NCKAP5: variants seen among roughly 807,000 people sequenced by gnomAD.
NCKAP5 encodes NCK associated protein 5.
A neutral mutation model predicts 167.0 loss-of-function variants in NCKAP5; 92 were observed. The ratio of observed to expected loss-of-function variants is 0.55; its 90% confidence interval spans 0.47 to 0.66. The LOEUF is 0.66. Among genes scored for constraint, NCKAP5 ranks in the 30% least tolerant of loss-of-function variants. The pLI is 0.00. For missense variants in NCKAP5, 2,378 were observed against 2,315.0 expected (o/e 1.03, Z -0.56); for synonymous variants, 891 against 877.4 (o/e 1.02, Z -0.27).
chr2:133,196,609 A>C (rs2150103246), intron 5 of NCKAP5, among the ~76,000 whole-genome samples: 1 of 152,344 alleles, frequency 6.6e-6, no homozygotes, highest in East Asian at 1.9e-4. Flanking sequence ...GTAGCAGTGG[A>C]GAAGGAAACC....
At chr2:132,694,103 T>TTCTA (rs1687080169) in intron 19 of NCKAP5, among the ~76,000 whole-genome samples, 2 of 146,952 alleles carry the variant, frequency 1.4e-5, no homozygotes, top group Non-Finnish European at 3.0e-5. Context: ...GTTTTAAGTG[T>TTCTA]TTTATTTATT....
At chr2:132,977,967 T>C (rs2077024918) in intron 7 of NCKAP5, among the ~76,000 whole-genome samples, 1 of 152,200 alleles carries the variant, frequency 6.6e-6, no homozygotes, top group Non-Finnish European at 1.5e-5. Flanking sequence ...ATGTACATTC[T>C]GACAAACCAC....
chr2:133,442,679 T>A (rs1690934255), intron 3 of NCKAP5, among the ~76,000 whole-genome samples: 1 of 152,108 alleles, frequency 6.6e-6, no homozygotes, highest in South Asian at 2.1e-4. Flanking sequence ...CCTAGCAGAG[T>A]GTGGGCTGCC....
chr2:133,457,836 T>C (rs1023182393), intron 3 of NCKAP5, among the ~76,000 whole-genome samples: 3 of 152,190 alleles, frequency 2.0e-5, no homozygotes, highest in East Asian at 1.9e-4. Flanking sequence ...TAATTGGTTA[T>C]GCAACTAAAA....
intron 6 of NCKAP5, among the ~76,000 whole-genome samples, chr2:133,072,563 G>A (rs992112789): frequency 5.9e-5 from 9 of 152,116 alleles, no homozygotes; most frequent in Admixed American, 2.6e-4. Flanking sequence ...TACCAAAGTC[G>A]TGAGTTCTTC....
intron 2 of NCKAP5, among the ~76,000 whole-genome samples, chr2:133,518,110 A>T (rs991417925): frequency 1.3e-5 from 2 of 152,186 alleles, no homozygotes; most frequent in Admixed American, 6.6e-5. Context: ...TTGGGGATAG[A>T]TTGATTCAAA....
chr2:133,550,203 T>C (rs1306602433), intron 2 of NCKAP5, among the ~76,000 whole-genome samples: 10 of 142,196 alleles, frequency 7.0e-5, no homozygotes, highest in Admixed American at 4.9e-4. Context: ...TCTGAAACTA[T>C]TCCAATCAAT....
chr2:133,226,288 C>A (rs2086887688), intron 4 of NCKAP5, among the ~76,000 whole-genome samples: 1 of 151,984 alleles, frequency 6.6e-6, no homozygotes, highest in South Asian at 2.1e-4. Context: ...CAATCTATTC[C>A]ACAAATATTA....
At chr2:132,954,874 G>T in intron 8 of NCKAP5, 1 of 318,294 alleles carries the variant, frequency 3.1e-6, no homozygotes, top group South Asian at 2.5e-5. Flanking sequence ...GACATAGAAT[G>T]GAATTTTTCT....
At chr2:132,741,112 C>T (rs372765380) in intron 16 of NCKAP5, among the ~76,000 whole-genome samples, 6 of 152,064 alleles carry the variant, frequency 3.9e-5, no homozygotes, top group African/African-American at 1.4e-4. Context: ...TTTTCATATA[C>T]AGCTGTTATA....
chr2:133,158,794 T>A (rs1233095394), intron 5 of NCKAP5, among the ~76,000 whole-genome samples: 2 of 152,092 alleles, frequency 1.3e-5, no homozygotes, highest in Non-Finnish European at 2.9e-5. Flanking sequence ...CCTCATTGAT[T>A]ACCCATCATT....
At chr2:132,760,249 G>A (rs1574107613) in intron 16 of NCKAP5, among the ~76,000 whole-genome samples, 6 of 152,106 alleles carry the variant, frequency 3.9e-5, no homozygotes, top group Admixed American at 2.6e-4. Context: ...CCTGTCTGAT[G>A]TAAACTCTCT....
At chr2:133,044,284 G>T (rs542360873) in intron 6 of NCKAP5, among the ~76,000 whole-genome samples, 3 of 152,106 alleles carry the variant, frequency 2.0e-5, no homozygotes, top group Middle Eastern at 3.4e-3. Context: ...ATCGAAAGAC[G>T]CAAATAAAAA....
At chr2:132,950,885 AAAAACAAAACAAAGC>A (rs1330233965) in intron 8 of NCKAP5, among the ~76,000 whole-genome samples, 1 of 152,190 alleles carries the variant, frequency 6.6e-6, no homozygotes, top group Admixed American at 6.5e-5. Flanking sequence ...CTAAGAAGCA[AAAAACAAAACAAAGC>A]AAAACAAAAC....
At position 132,756,007 on chromosome 2, in the gene NCKAP5, C is replaced by T. The variant is rs535563720; in HGVS notation, c.5128+17809G>A. ...CTTTAACTATCATTAGTAGTATTAT[C>T]TCCATTTGGCAGATGAGGAATTGGG... On this transcript the variant is annotated intron_variant, in intron 16 of 19. Transcript: ENST00000409261. 6.6e-5 allele frequency among the ~76,000 whole-genome samples: 10 copies of T among 152,030 alleles called. No individual in the cohort carries two copies. The East Asian group carries it at 9.6e-4, about 15-fold the overall frequency.
chr2:132,827,579 T>C (rs1283765166), intron 11 of NCKAP5, among the ~76,000 whole-genome samples: 1 of 152,206 alleles, frequency 6.6e-6, no homozygotes, highest in Non-Finnish European at 1.5e-5. Flanking sequence ...GATAGCATTA[T>C]TAGCCACATT....
At chr2:133,415,445 C>T (rs572476961) in intron 3 of NCKAP5, among the ~76,000 whole-genome samples, 18 of 152,334 alleles carry the variant, frequency 1.2e-4, no homozygotes, top group East Asian at 9.6e-4. Context: ...CATCTGGTGA[C>T]GCCATGAGTC....
intron 3 of NCKAP5, among the ~76,000 whole-genome samples, chr2:133,381,855 C>T (rs1327139134): frequency 2.0e-5 from 3 of 152,160 alleles, no homozygotes; most frequent in South Asian, 2.1e-4. Context: ...CATGTAGTGG[C>T]GGACCATGCT....
chr2:133,303,172 C>A, intron 3 of NCKAP5, 62 bp from the exon 4 acceptor site: 1 of 1,116,400 alleles, frequency 9.0e-7, no homozygotes, highest in Non-Finnish European at 1.3e-6. Context: ...TCCTAAGACC[C>A]TGACCTTATC....
Sources: allele counts gnomAD v4.1 joint callset (sites outside exome capture counted in the v4.1 genomes callset), GRCh38; gene constraint gnomAD v4.1.1; transcripts MANE v1.5; gene names NCBI Gene and HGNC (gene_info 2026-07-23, HGNC 2026-07-21).